The following USP42 variants were observed in gnomAD, a reference collection of about 807,000 sequenced individuals.
USP42 encodes the protein ubiquitin carboxyl-terminal hydrolase 42.
In USP42, 23 loss-of-function variants were observed where a neutral mutation model predicts 113.0. The observed-to-expected ratio is 0.20, with a 90% CI of 0.15 to 0.29. The LOEUF (loss-of-function observed/expected upper bound fraction) is 0.29. USP42 is among the 10% of genes least tolerant of loss of function. The pLI is 1.00. For missense variants in USP42, 2,174 were observed against 1,779.8 expected, an observed-to-expected ratio of 1.22 and a Z score of -3.99; for synonymous variants, 933 against 699.0, an observed-to-expected ratio of 1.33 and a Z score of -5.28.
chr7:6,115,288 C>T, intron 2 of USP42, 35 bp from the exon 3 acceptor site: 1 of 1,604,632 alleles, frequency 6.2e-7, no homozygotes, highest in East Asian at 2.2e-5. Flanking sequence ...GTATGCAAAG[C>T]TTGGTTTCTG....
At chr7:6,089,859 C>T in the USP42 span, among the ~76,000 whole-genome samples, 1 of 151,026 alleles carries the variant, frequency 6.6e-6, no homozygotes, top group East Asian at 1.9e-4. Flanking sequence ...ATACTCATCC[C>T]TCAAGTGTCT....
chr7:6,088,715 T>C, the USP42 span: 1 of 151,218 alleles, frequency 6.6e-6, no homozygotes, highest in African/African-American at 2.5e-5. Context: ...TCTGAGAATT[T>C]ATAATTTTCT....
At chr7:6,092,620 G>A in the USP42 span, among the ~76,000 whole-genome samples, 1 of 151,218 alleles carries the variant, frequency 6.6e-6, no homozygotes, top group African/African-American at 2.5e-5. Context: ...AACACCCACA[G>A]CTCCGGGTTC....
At chr7:6,152,918 A>G in intron 14 of USP42, 1 of 985,336 alleles carries the variant, frequency 1.0e-6, no homozygotes, top group Non-Finnish European at 1.2e-6. Flanking sequence ...TCGAGAGGAA[A>G]GGAGGAGGCC....
the USP42 span, among the ~76,000 whole-genome samples, chr7:6,094,913 G>A: frequency 6.7e-6 from 1 of 150,334 alleles, no homozygotes; most frequent in Non-Finnish European, 1.5e-5. Context: ...TCAGCCTCCT[G>A]AGTAGCTGGG....
chr7:6,086,556 G>A, the USP42 span, among the ~76,000 whole-genome samples: 1 of 150,740 alleles, frequency 6.6e-6, no homozygotes, highest in African/African-American at 2.5e-5. Flanking sequence ...CACCATGTTG[G>A]CCATGCTGGT....
intron 3 of USP42, among the ~76,000 whole-genome samples, chr7:6,124,083 C>T (rs535342024): frequency 4.0e-4 from 61 of 152,124 alleles, no homozygotes; most frequent in African/African-American, 1.3e-3. Context: ...ACCATGTTGG[C>T]CAGGCTGGTC....
intron 3 of USP42, among the ~76,000 whole-genome samples, chr7:6,129,666 G>A (rs191900043): frequency 4.6e-5 from 7 of 151,662 alleles, no homozygotes; most frequent in African/African-American, 1.7e-4. Context: ...TTCAAGACCA[G>A]CCTGGCCAAC....
intron 3 of USP42, among the ~76,000 whole-genome samples, chr7:6,127,222 G>C (rs939581810): frequency 6.6e-6 from 1 of 152,094 alleles, no homozygotes; most frequent in Non-Finnish European, 1.5e-5. Flanking sequence ...GTTTCCAAAT[G>C]TTTTCTCCCC....
chr7:6,122,471 T>G (rs1467761372), intron 3 of USP42, among the ~76,000 whole-genome samples: 1 of 151,816 alleles, frequency 6.6e-6, no homozygotes, highest in Non-Finnish European at 1.5e-5. Flanking sequence ...TTTTTTTGTT[T>G]GTTTGTTTGT....
intron 6 of USP42, among the ~76,000 whole-genome samples, chr7:6,140,577 C>A (rs1309441530): frequency 6.6e-6 from 1 of 152,174 alleles, no homozygotes; most frequent in Non-Finnish European, 1.5e-5. Context: ...TGCACACATG[C>A]TTTATGTCTG....
Position 6,144,147 on chromosome 7 carries a change from C to T in USP42, c.941C>T (p.Thr314Ile), listed in dbSNP as rs1346102749. The change falls in exon 9 of 18, where the codon ACA becomes ATA. Residue 314 changes from threonine (T) to isoleucine (I), a missense_variant. By Grantham distance (89) the Thr-to-Ile change is moderately conservative. Transcript: ENST00000306177. Reference sequence around the variant, plus strand: ...ATCCATAGATCCTCTAATGTTCTTACACTTTCTCTGAAACGTTTTGCAAAT... The same window carrying T: ...ATCCATAGATCCTCTAATGTTCTTATACTTTCTCTGAAACGTTTTGCAAAT... ...FTIHRSSNVL[T>I]LSLKRFANFT... The T allele has an allele frequency of 2.5e-6, 4 of 1,596,784 alleles. No homozygotes were observed. Among genetic ancestry groups the T allele is most frequent in the East Asian group, 2.3e-5 (1 of 43,314 alleles).
chr7:6,144,420 C>T (rs368707906), intron 9 of USP42, among the ~76,000 whole-genome samples: 1 of 152,164 alleles, frequency 6.6e-6, no homozygotes, highest in South Asian at 2.1e-4. Flanking sequence ...CTAGACTTTG[C>T]CAGTTTTCAC....
At chr7:6,115,928 A>G (rs181166382) in intron 3 of USP42, among the ~76,000 whole-genome samples, 6 of 152,090 alleles carry the variant, frequency 3.9e-5, no homozygotes, top group African/African-American at 1.2e-4. Flanking sequence ...GTAAGACCCC[A>G]TCTCTACTAA....
chr7:6,159,315 A>G lies in USP42; in HGVS notation c.3944-135A>G. On this transcript the variant is annotated intron_variant, in intron 16 of 17. Transcript: ENST00000306177. The surrounding 1 kb of genome is among the most constrained non-coding windows in gnomAD (Gnocchi z 4.1). ...GCGCTGGGACATCCCTGCTCACCTC[A>G]CTGGGGAGTGGCCTCAGGCGCTCAC... 9.0e-7 allele frequency: 1 copy of G among 1,114,230 alleles called. No homozygotes were observed. Among genetic ancestry groups the G allele is most frequent in the Non-Finnish European group, 1.3e-6 (1 of 753,206 alleles). 69.0% of individuals were successfully genotyped at this position (1,114,230 alleles called of 1,614,324 possible).
rs923245296 is a variant in USP42, at chr7:6,157,286, G to A, written c.3943+231G>A. ...AAGGCCTAAGTGACACAGGACTGAG[G>A]GCAGCACTACCTGTGTCACCAAAGC... On this transcript the variant is annotated intron_variant, in intron 16 of 17. Coordinates refer to ENST00000306177, the MANE Select transcript of USP42 (RefSeq NM_032172.3). The surrounding 1 kb of genome is among the most constrained non-coding windows in gnomAD (Gnocchi z 4.1). 1.0e-5 allele frequency: 13 copies of A among 1,247,862 alleles called. No individual in the cohort carries two copies. The East Asian group carries it at 4.0e-4, about 39-fold the overall frequency. 77.3% of individuals were successfully genotyped at this position (1,247,862 alleles called of 1,614,324 possible). A position where few individuals can be genotyped will look rare whatever the true frequency, so the allele number is the denominator to read the frequency against.
chr7:6,104,502 C>T (rs1172425167), upstream of USP42, among the ~76,000 whole-genome samples: 2 of 152,248 alleles, frequency 1.3e-5, no homozygotes, highest in Non-Finnish European at 2.9e-5. Context: ...AGTCCGTTTT[C>T]GGGGGACGGG....
chr7:6,107,201 T>C (rs1779335683), intron 1 of USP42, among the ~76,000 whole-genome samples: 1 of 152,200 alleles, frequency 6.6e-6, no homozygotes, highest in African/African-American at 2.4e-5. Context: ...TTAAATTTTT[T>C]TTCACTTAAG....
upstream of USP42, among the ~76,000 whole-genome samples, chr7:6,101,289 G>A (rs187855236): frequency 6.6e-6 from 1 of 151,106 alleles, no homozygotes; most frequent in Non-Finnish European, 1.5e-5. Flanking sequence ...GGCTCCCTAA[G>A]TCTGGAGGTC....
Sources: gnomAD v4.1 joint callset for allele counts (sites outside exome capture counted in the v4.1 genomes callset) on GRCh38, gnomAD v4.1.1 for gene constraint, Gnocchi (gnomAD v3.1) non-coding constraint, MANE v1.5 for transcripts, NCBI Gene and HGNC (gene_info 2026-07-23, HGNC 2026-07-21) for gene names.